The following PTPRC variants were observed in gnomAD, a reference collection of about 807,000 sequenced individuals.
PTPRC encodes receptor-type tyrosine-protein phosphatase C.
PTPRC carries 44 observed loss-of-function variants against 155.9 expected under a neutral mutation model. The observed-to-expected ratio is 0.28, with a 90% CI of 0.22 to 0.36. PTPRC has a LOEUF of 0.36. Among genes scored for constraint, PTPRC ranks in the 10% least tolerant of loss-of-function variants. PTPRC has a pLI of 1.00. For synonymous variants in PTPRC, 525 were observed against 533.1 expected (o/e 0.98, Z 0.21); for missense variants, 1,401 against 1,564.6 (o/e 0.90, Z 1.76).
chr1:198,713,205 C>A, intron 12 of PTPRC, 133 bp downstream of exon 12: 1 of 1,247,448 alleles, frequency 8.0e-7, no homozygotes, highest in Non-Finnish European at 1.1e-6. Context: ...ACTCCCTGAT[C>A]TTAGAATTGC....
intron 2 of PTPRC, among the ~76,000 whole-genome samples, chr1:198,655,798 C>A (rs897283734): frequency 6.6e-6 from 1 of 152,028 alleles, no homozygotes; most frequent in Non-Finnish European, 1.5e-5. Flanking sequence ...CTGTGACAAC[C>A]AGAAATGTCT....
In PTPRC at chr1:198,718,110, G is replaced by C; in HGVS notation, c.1467G>C (p.Trp489Cys). 1.2e-6 allele frequency: 2 copies of C among 1,613,096 alleles called. No individual in the cohort carries two copies. Among genetic ancestry groups the C allele is most frequent in the South Asian group, 2.2e-5 (2 of 91,040 alleles). Reference protein sequence around the residue: ...TTKSAPPSQVWNMTVSMTSDN... With the variant: ...TTKSAPPSQVCNMTVSMTSDN... ...TTTTGATAGCTCCAAGCCAGGTCTG[G>C]AACATGACTGTCTCCATGACATCAG... Residue 489 changes from tryptophan (W) to cysteine (C), a missense_variant, in exon 14 of 33, where the codon TGG (tryptophan) becomes TGC (cysteine). By Grantham distance (215) the Trp-to-Cys change is radical. Transcript: ENST00000442510.
chr1:198,692,360 A>G lies in PTPRC; in HGVS notation c.87A>G (p.Thr29=). 1 of 1,502,460 alleles carries G rather than the reference A, an allele frequency of 6.7e-7. No individual in the cohort carries two copies. Among genetic ancestry groups the G allele is most frequent in the Non-Finnish European group, 8.9e-7 (1 of 1,122,644 alleles). The allele number at this position is 1,502,460 out of a possible 1,614,324, so 93.1% of individuals were successfully genotyped here. A position where few individuals can be genotyped will look rare whatever the true frequency, so the allele number is the denominator to read the frequency against. The change falls in exon 3 of 33, where the codon ACA becomes ACG. Residue 29 remains threonine, a synonymous_variant. Transcript: ENST00000442510. The part of the protein sequence containing the change: ...TEVFVTGQSP[T]PSPTGLTTAK... ...TCTTCTTTGCAGGGCAAAGCCCAAC[A>G]CCTTCCCCCACTGGTAAGAATTAAT...
Position 198,734,397 on chromosome 1 carries a change from T to C in PTPRC, c.2249T>C (p.Met750Thr). The C allele has an allele frequency of 6.2e-7, 1 of 1,611,098 alleles. No homozygotes were observed. The highest frequency in any genetic ancestry group is 1.1e-5 in the South Asian group (1 of 91,036). The stretch of plus-strand genomic sequence containing the variant: ...GAACAGAAAGCCACAGTTATTGTCA[T>C]GGTCACTCGATGTGAAGAAGGAAAC... ...IWEQKATVIV[M>T]VTRCEEGNRN... The change falls in exon 22 of 33, where the codon ATG becomes ACG. Residue 750 changes from methionine to threonine, a missense_variant. Met to Thr is a moderately conservative substitution (Grantham distance 81, BLOSUM62 -1). Coordinates refer to ENST00000442510, the MANE Select transcript of PTPRC (RefSeq NM_002838.5).
intron 4 of PTPRC, among the ~76,000 whole-genome samples, chr1:198,698,983 C>T (rs1447598746): frequency 6.6e-6 from 1 of 152,078 alleles, no homozygotes; most frequent in Non-Finnish European, 1.5e-5. Flanking sequence ...AGATTGTTTC[C>T]ACATGTTTTC....
chr1:198,708,081 G>C (rs1235774141), intron 9 of PTPRC, 52 bp from the exon 10 acceptor site: 3 of 1,518,564 alleles, frequency 2.0e-6, no homozygotes, highest in Non-Finnish European at 2.7e-6. Flanking sequence ...TGAGGGCTTA[G>C]GATACACATT....
At chr1:198,736,701 C>T (rs1654655676) in intron 23 of PTPRC, among the ~76,000 whole-genome samples, 1 of 151,638 alleles carries the variant, frequency 6.6e-6, no homozygotes, top group Non-Finnish European at 1.5e-5. Flanking sequence ...GCGGTATATA[C>T]CTAGCAGTGG....
chr1:198,714,186 T>C (rs1179713262), intron 12 of PTPRC, among the ~76,000 whole-genome samples: 1 of 152,054 alleles, frequency 6.6e-6, no homozygotes, highest in Non-Finnish European at 1.5e-5. Flanking sequence ...TGGGAACACA[T>C]TGTTCATTTT....
At chr1:198,734,133 T>G (rs1654517214) in intron 20 of PTPRC, 63 bp from the exon 21 acceptor site, 1 of 1,502,106 alleles carries the variant, frequency 6.7e-7, no homozygotes. Flanking sequence ...ACTCACAATT[T>G]TTCCTGTTAA....
intron 2 of PTPRC, among the ~76,000 whole-genome samples, chr1:198,691,793 C>T (rs757460558): frequency 1.3e-5 from 2 of 152,054 alleles, no homozygotes; most frequent in African/African-American, 2.4e-5. Context: ...CAACCACCAA[C>T]TCTGGAAATA....
chr1:198,750,665 C>CATAA, intron 29 of PTPRC, 39 bp downstream of exon 29: 1 of 1,602,272 alleles, frequency 6.2e-7, no homozygotes, highest in Non-Finnish European at 8.5e-7. Context: ...GCCTTTCTGT[C>CATAA]ATAAAACGTC....
chr1:198,733,220 C>T (rs1654478179), intron 20 of PTPRC, among the ~76,000 whole-genome samples: 1 of 151,030 alleles, frequency 6.6e-6, no homozygotes, highest in Non-Finnish European at 1.5e-5. Flanking sequence ...TTTTTGTCTC[C>T]CCAAATCTGC....
At chr1:198,687,064 G>A (rs1665665403) in intron 2 of PTPRC, among the ~76,000 whole-genome samples, 1 of 152,104 alleles carries the variant, frequency 6.6e-6, no homozygotes, top group African/African-American at 2.4e-5. Flanking sequence ...GGAGTACAGT[G>A]GCACCATCAC....
intron 5 of PTPRC, among the ~76,000 whole-genome samples, chr1:198,701,106 CCCT>C (rs1360143568): frequency 2.6e-5 from 4 of 152,160 alleles, no homozygotes; most frequent in African/African-American, 9.7e-5. Context: ...TCTGCTGGAG[CCCT>C]CCTCTGGGGA....
rs1372216316 is a variant in PTPRC at position 198,742,280 on chromosome 1, A to T, written c.2610A>T (p.Leu870=). 6.2e-7 allele frequency: 1 copy of T among 1,612,364 alleles called. No homozygotes were observed. The highest frequency in any genetic ancestry group is 8.5e-7 in the Non-Finnish European group (1 of 1,178,920). The change falls in exon 25 of 33, where the codon CTA becomes CTT. Residue 870 remains leucine, a synonymous_variant. Transcript: ENST00000442510. ...CCTATATCGGAATTGATGCCATGCTAGAAGGCCTGGAAGCCGAGAACAAAG... is the reference window on the plus strand; with the variant it reads ...CCTATATCGGAATTGATGCCATGCTTGAAGGCCTGGAAGCCGAGAACAAAG... ...TGTYIGIDAM[L]EGLEAENKVD...
At chr1:198,660,378 A>G (rs1035077789) in intron 2 of PTPRC, among the ~76,000 whole-genome samples, 11 of 152,058 alleles carry the variant, frequency 7.2e-5, no homozygotes, top group African/African-American at 2.7e-4. Context: ...TTGTGTTCCT[A>G]TGATTTGCAC....
Position 198,756,180 on chromosome 1 carries a change from A to C in PTPRC, c.3920A>C (p.Ter1307SerextTer4). The stretch of plus-strand genomic sequence containing the variant: ...AGTCCAGCTTTAAATCAAGGTTCAT[A>C]GGAAAAGACATAAATGAGGAAACTC... The part of the protein sequence containing the change: ...PASPALNQGS[*>S] Residue 1307 changes from the stop codon to serine, a stop_lost, in exon 33 of 33, where the codon TAG (stop) becomes TCG (serine). Transcript: ENST00000442510. The C allele has an allele frequency of 6.2e-7, 1 of 1,612,988 alleles. No homozygotes were observed. The highest frequency in any genetic ancestry group is 8.5e-7 in the Non-Finnish European group (1 of 1,179,422).
intron 29 of PTPRC, 60 bp downstream of exon 29, chr1:198,750,686 C>G: frequency 6.3e-7 from 1 of 1,577,790 alleles, no homozygotes; most frequent in East Asian, 2.2e-5. Context: ...ATTCTCTAGT[C>G]TTGGATTGCT....
At chr1:198,675,731 A>G (rs1664915425) in intron 2 of PTPRC, among the ~76,000 whole-genome samples, 1 of 152,184 alleles carries the variant, frequency 6.6e-6, no homozygotes. Flanking sequence ...TGAGAACATA[A>G]AGTCAACTTT....
Sources: gnomAD v4.1 joint callset for allele counts (sites outside exome capture counted in the v4.1 genomes callset) on GRCh38, gnomAD v4.1.1 for gene constraint, MANE v1.5 for transcripts, NCBI Gene and HGNC (gene_info 2026-07-23, HGNC 2026-07-21) for gene names.